Variants in FXN observed in about 807,000 individuals in gnomAD.
The protein encoded by FXN is frataxin, mitochondrial.
Under a neutral mutation model 22.4 loss-of-function variants are expected in FXN, and 14 were observed. The ratio of observed to expected loss-of-function variants is 0.62; its 90% CI spans 0.41 to 0.98. The LOEUF is 0.98. FXN is among the 50% of genes least tolerant of loss of function. The pLI is 0.00. For missense variants in FXN, 267 were observed against 268.4 expected (o/e 0.99, Z 0.04); for synonymous variants, 120 against 114.1 (o/e 1.05, Z -0.33).
chr9:69,071,187 C>T, intron 4 of FXN: 1 of 519,018 alleles, frequency 1.9e-6, no homozygotes, highest in South Asian at 1.4e-5. Flanking sequence ...ATAGCAGTAT[C>T]AGAGTATAGG....
chr9:69,042,689 T>G (rs1831679193), intron 1 of FXN, among the ~76,000 whole-genome samples: 1 of 150,254 alleles, frequency 6.7e-6, no homozygotes, highest in Non-Finnish European at 1.5e-5. Flanking sequence ...TCTATTAAAT[T>G]AAACACACAC....
intron 1 of FXN, among the ~76,000 whole-genome samples, chr9:69,044,415 C>T (rs1831711087): frequency 6.6e-6 from 1 of 152,182 alleles, no homozygotes; most frequent in Non-Finnish European, 1.5e-5. Context: ...CCTCCCCATC[C>T]ACTGTCCCCC....
intron 3 of FXN, among the ~76,000 whole-genome samples, chr9:69,060,369 T>C (rs1832048059): frequency 7.0e-6 from 1 of 143,308 alleles, no homozygotes; most frequent in African/African-American, 2.7e-5. Context: ...AGACTCCATC[T>C]CAAAAAAAAA....
chr9:69,062,443 T>C (rs1832091657), intron 3 of FXN, among the ~76,000 whole-genome samples: 1 of 152,146 alleles, frequency 6.6e-6, no homozygotes, highest in South Asian at 2.1e-4. Context: ...AAATGAAATA[T>C]AGTCATACCA....
intron 3 of FXN, 36 bp downstream of exon 3, chr9:69,053,296 CT>C (rs1456087760): frequency 1.9e-6 from 3 of 1,608,502 alleles, no homozygotes; most frequent in East Asian, 2.2e-5. Flanking sequence ...CTGTTTCCCC[CT>C]CTAAGAATTT....
chr9:69,058,067 T>C (rs950773003), intron 3 of FXN, among the ~76,000 whole-genome samples: 2 of 152,204 alleles, frequency 1.3e-5, no homozygotes. Context: ...TTTTACCAAC[T>C]CGCTACTGGC....
rs1832331582 is a variant in FXN, at chr9:69,074,494, T to C, written c.*1732T>C. 1 of 979,828 alleles carries C rather than the reference T, an allele frequency of 1.0e-6. No homozygotes were observed. Among genetic ancestry groups the C allele is most frequent in the African/African-American group, 1.8e-5 (1 of 56,094 alleles). 60.7% of individuals were successfully genotyped at this position (979,828 alleles called of 1,614,324 possible). ...GGTTACAGTGAGTCGAGATCGTACC[T>C]GAGCGACAGAGCGAGACTCCGTCTC... On this transcript the variant is annotated 3_prime_UTR_variant, in exon 5 of 5. Coordinates refer to ENST00000484259, the MANE Select transcript of FXN (RefSeq NM_000144.5).
In FXN at chr9:69,078,649, A is replaced by G. The variant is rs569435256; in HGVS notation, c.*5887A>G. On this transcript the variant is annotated 3_prime_UTR_variant, in exon 5 of 5. Transcript: ENST00000484259. ...TCACACTCAACACTTTGACTCCAGC[A>G]ATCCCAAATCCCCAGATCCCTAAGT... The G allele has an allele frequency of 1.6e-4, 159 of 983,936 alleles. 1 individual carries two copies. In the African/African-American group the frequency reaches 2.6e-3, roughly 16 times the overall value. 61.0% of individuals were successfully genotyped at this position (983,936 alleles called of 1,614,324 possible).
intron 3 of FXN, among the ~76,000 whole-genome samples, chr9:69,060,358 G>C (rs1446352297): frequency 6.7e-6 from 1 of 149,968 alleles, no homozygotes; most frequent in African/African-American, 2.5e-5. Context: ...GTGACAGAGC[G>C]AGACTCCATC....
intron 3 of FXN, among the ~76,000 whole-genome samples, chr9:69,054,709 G>A (rs527289277): frequency 6.6e-6 from 1 of 152,246 alleles, no homozygotes; most frequent in East Asian, 1.9e-4. Context: ...GTTTCACCAC[G>A]TTGGCCAGGC....
intron 4 of FXN, among the ~76,000 whole-genome samples, chr9:69,070,725 T>A (rs543840795): frequency 8.6e-5 from 13 of 151,638 alleles, no homozygotes; most frequent in African/African-American, 9.7e-5. Context: ...ATAAAAAAAA[T>A]TTTGTTTTTT....
At position 69,073,216 on chromosome 9, in the gene FXN, T is replaced by C; in HGVS notation, c.*454T>C. On this transcript the variant is annotated 3_prime_UTR_variant, in exon 5 of 5. Coordinates refer to ENST00000484259, the MANE Select transcript of FXN (RefSeq NM_000144.5). Reference sequence around the variant, plus strand: ...AAATGAGACACATTAAAGGGTAGCCTACAAATGTTTTCAGGCTTCTTTCAA... The same window carrying C: ...AAATGAGACACATTAAAGGGTAGCCCACAAATGTTTTCAGGCTTCTTTCAA... 1 of 1,039,692 alleles carries C rather than the reference T, an allele frequency of 9.6e-7. No homozygotes were observed. Among genetic ancestry groups the C allele is most frequent in the Non-Finnish European group, 1.2e-6 (1 of 863,240 alleles). The allele number at this position is 1,039,692 out of a possible 1,614,324, so 64.4% of individuals were successfully genotyped here. A position where few individuals can be genotyped will look rare whatever the true frequency, so the allele number is the denominator to read the frequency against.
chr9:69,053,401 G>A (rs1325089253), intron 3 of FXN, 141 bp downstream of exon 3: 1 of 1,091,950 alleles, frequency 9.2e-7, no homozygotes, highest in African/African-American at 1.6e-5. Context: ...GTTCCGGGAG[G>A]TGAAGGTTGC....
intron 2 of FXN, among the ~76,000 whole-genome samples, chr9:69,046,772 C>T (rs899037887): frequency 6.6e-6 from 1 of 152,180 alleles, no homozygotes; most frequent in African/African-American, 2.4e-5. Context: ...CAAATAGACC[C>T]AAATATTTAA....
In FXN at chr9:69,053,200, G is replaced by T. The variant is rs1564333434; in HGVS notation, c.324G>T (p.Glu108Asp). The T allele has an allele frequency of 6.2e-7, 1 of 1,613,936 alleles. No individual in the cohort carries two copies. The highest frequency in any genetic ancestry group is 8.5e-7 in the Non-Finnish European group (1 of 1,179,954). ...LAEETLDSLA[E>D]FFEDLADKPY... is the part of the protein sequence containing the mutation. Reference sequence around the variant, plus strand: ...AGGAAACGCTGGACTCTTTAGCAGAGTTTTTTGAAGACCTTGCAGACAAGC... The same window carrying T: ...AGGAAACGCTGGACTCTTTAGCAGATTTTTTTGAAGACCTTGCAGACAAGC... The change falls in exon 3 of 5, where the codon GAG becomes GAT. Residue 108 changes from glutamate to aspartate, a missense_variant. By Grantham distance (45) the Glu-to-Asp change is conservative. Transcript: ENST00000484259.
At chr9:69,041,649 C>A (rs538593157) in intron 1 of FXN, among the ~76,000 whole-genome samples, 1 of 152,258 alleles carries the variant, frequency 6.6e-6, no homozygotes, top group Admixed American at 6.5e-5. Flanking sequence ...TTTGACAGGG[C>A]CGGGGGTGAC....
At chr9:69,057,116 GA>G (rs917134888) in intron 3 of FXN, among the ~76,000 whole-genome samples, 16 of 151,866 alleles carry the variant, frequency 1.1e-4, no homozygotes, top group Non-Finnish European at 1.3e-4. Context: ...GCCCTTAGGG[GA>G]AAAAAAACTA....
intron 4 of FXN, among the ~76,000 whole-genome samples, chr9:69,066,261 G>A (rs1419312054): frequency 1.3e-5 from 2 of 152,148 alleles, no homozygotes; most frequent in Admixed American, 6.5e-5. Context: ...AAGACTAACG[G>A]TATTTGCATT....
At position 69,072,969 on chromosome 9, in the gene FXN, A is replaced by G; in HGVS notation, c.*207A>G. 1.4e-6 allele frequency: 2 copies of G among 1,438,418 alleles called. No homozygotes were observed. Among genetic ancestry groups the G allele is most frequent in the East Asian group, 5.0e-5 (2 of 39,860 alleles). 89.1% of individuals were successfully genotyped at this position (1,438,418 alleles called of 1,614,324 possible). On this transcript the variant is annotated 3_prime_UTR_variant, in exon 5 of 5. Coordinates refer to ENST00000484259, the MANE Select transcript of FXN (RefSeq NM_000144.5). ...AGTTCTGATTTTTAATTTCTATGGA[A>G]GATTTTTTGGATTGTCGGATTTCCT...
Sources: allele counts gnomAD v4.1 joint callset (sites outside exome capture counted in the v4.1 genomes callset), GRCh38; gene constraint gnomAD v4.1.1; transcripts MANE v1.5; gene names NCBI Gene and HGNC (gene_info 2026-07-23, HGNC 2026-07-21).